ZNF668: variants seen among roughly 807,000 people sequenced by gnomAD.
ZNF668 encodes the protein zinc finger protein 668.
In ZNF668, 10 loss-of-function variants were observed where a neutral mutation model predicts 40.3. That is an observed-to-expected ratio of 0.25 (90% CI 0.15 to 0.42). The LOEUF (loss-of-function observed/expected upper bound fraction) is 0.42, where lower values mean the gene tolerates loss of function less well. ZNF668 is among the 10% of genes least tolerant of loss of function. ZNF668 has a pLI of 1.00. For synonymous variants in ZNF668, 428 were observed against 384.6 expected, an observed-to-expected ratio of 1.11 and a Z score of -1.32; for missense variants, 749 against 904.6, an observed-to-expected ratio of 0.83 and a Z score of 2.21.
intron 1 of ZNF668, chr16:31,064,732 C>T: frequency 1.3e-6 from 2 of 1,526,312 alleles, no homozygotes; most frequent in Admixed American, 2.0e-5. Flanking sequence ...TACACGTCCC[C>T]CCCCGCCCCC....
intron 2 of ZNF668, chr16:31,062,623 G>T (rs935226152): frequency 9.6e-6 from 2 of 207,602 alleles, no homozygotes; most frequent in African/African-American, 4.7e-5. Context: ...AATTAGCCAG[G>T]CGTGGTGGTG....
intron 1 of ZNF668, among the ~76,000 whole-genome samples, chr16:31,067,758 A>G (rs2056988505): frequency 6.6e-6 from 1 of 152,176 alleles, no homozygotes; most frequent in African/African-American, 2.4e-5. Flanking sequence ...TGACTTGCCC[A>G]TGGTCCCACA....
At position 31,069,282 on chromosome 16, in the gene ZNF668, C is replaced by T. The variant is rs1381523352; in HGVS notation, c.-23+4377G>A. The T allele has an allele frequency of 2.6e-5, 4 of 151,790 alleles. No individual in the cohort carries two copies. In the East Asian group the frequency reaches 7.7e-4, roughly 29 times the overall value. The allele number at this position is 151,790 out of a possible 1,614,324, so 9.4% of individuals were successfully genotyped here. ...TCTACTAAAAATACACACACACACACACACACACACACACACACACACACC... is the reference window on the plus strand; with the variant it reads ...TCTACTAAAAATACACACACACACATACACACACACACACACACACACACC... On this transcript the variant is annotated intron_variant, in intron 1 of 2. Transcript: ENST00000300849.
Position 31,061,811 on chromosome 16 carries a change from A to C in ZNF668, c.1117T>G (p.Phe373Val). The change falls in exon 3 of 3, where the codon TTC (phenylalanine) becomes GTC (valine). Residue 373 changes from phenylalanine (F) to valine (V), a missense_variant. Physicochemically the swap from Phe to Val is conservative, Grantham distance 50. Around this residue, in one of 4 missense-constraint regions of ZNF668, gnomAD observed 310 missense variants for 355.1 expected, o/e 0.87. Transcript: ENST00000300849. The surrounding 1 kb of genome is among the most constrained non-coding windows in gnomAD (Gnocchi z 7.7). Reference sequence around the variant, plus strand: ...TTCGTGAGGCTGGCACGCTCGGCGAAGGCTCGCCCGCACTCCTCACAGCGG... The same window carrying C: ...TTCGTGAGGCTGGCACGCTCGGCGACGGCTCGCCCGCACTCCTCACAGCGG... ...PFRCEECGRA[F>V]AERASLTKHS... The C allele has an allele frequency of 6.2e-7, 1 of 1,612,810 alleles. No homozygotes were observed. The highest frequency in any genetic ancestry group is 1.1e-5 in the South Asian group (1 of 91,052).
At chr16:31,070,475 T>C (rs1567402284) in intron 1 of ZNF668, among the ~76,000 whole-genome samples, 1 of 152,024 alleles carries the variant, frequency 6.6e-6, no homozygotes, top group Non-Finnish European at 1.5e-5. Context: ...CCCAAAGTGC[T>C]TGGATTACAG....
Position 31,062,067 on chromosome 16 carries a change from G to A in ZNF668, c.861C>T (p.Arg287=). Residue 287 remains arginine (R), a synonymous_variant, in exon 3 of 3, where the codon CGC becomes CGT. Coordinates refer to ENST00000300849, the MANE Select transcript of ZNF668 (RefSeq NM_024706.5). ...EKPFLCPRCG[R]MFSDPSSFRR... ...GGAAGCTCGAGGGGTCGGAGAACAT[G>A]CGGCCGCAGCGCGGGCACAGGAAGG... 6.2e-7 allele frequency: 1 copy of A among 1,613,304 alleles called. No homozygotes were observed. Among genetic ancestry groups the A allele is most frequent in the Admixed American group, 1.7e-5 (1 of 59,960 alleles).
intron 1 of ZNF668, chr16:31,065,978 T>C: frequency 1.0e-6 from 1 of 976,758 alleles, no homozygotes; most frequent in Non-Finnish European, 1.2e-6. Flanking sequence ...CTAGGGGAAA[T>C]ACAGAGACTC....
In ZNF668 at chr16:31,065,863, A is replaced by AAT. The variant is rs529080785; in HGVS notation, c.-22-1383_-22-1382insAT. ...AGCAAGACTCCGTCTCAAAAAAAAA[A>AAT]AAATAAAAAGACTATTTCCTCATCT... On this transcript the variant is annotated intron_variant, in intron 1 of 2. Coordinates refer to ENST00000300849, the MANE Select transcript of ZNF668 (RefSeq NM_024706.5). 3.0e-4 allele frequency among the ~76,000 whole-genome samples: 46 copies of AAT among 151,980 alleles called. 1 individual carries two copies. The highest frequency in any genetic ancestry group is 1.7e-3 in the East Asian group (9 of 5,190).
At chr16:31,066,149 A>G in intron 1 of ZNF668, 1 of 985,308 alleles carries the variant, frequency 1.0e-6, no homozygotes, top group Middle Eastern at 5.2e-4. Context: ...TCCCTCCCCA[A>G]CCCCATGCAG....
chr16:31,062,210 T>A lies in ZNF668; in HGVS notation c.718A>T (p.Thr240Ser), dbSNP rs745338372. Residue 240 changes from threonine (T) to serine (S), a missense_variant, in exon 3 of 3, where the codon ACG becomes TCG. Around this residue, in one of 4 missense-constraint regions of ZNF668, gnomAD observed 129 missense variants for 231.2 expected, o/e 0.56. Coordinates refer to ENST00000300849, the MANE Select transcript of ZNF668 (RefSeq NM_024706.5). ...GKSFSRSSSL[T>S]CHQRIHAAQK... is the part of the protein sequence containing the mutation. The stretch of plus-strand genomic sequence containing the variant: ...GCCGCGTGGATGCGCTGGTGGCACG[T>A]GAGCGAGGATGAGCGGGAGAAGCTC... 1 of 1,613,412 alleles carries A rather than the reference T, an allele frequency of 6.2e-7. No individual in the cohort carries two copies.
Position 31,064,400 on chromosome 16 carries a change from G to A in ZNF668, c.60C>T (p.Arg20=), listed in dbSNP as rs769055584. The A allele has an allele frequency of 3.2e-5, 51 of 1,613,312 alleles. 2 individuals are homozygous for A. In the South Asian group the frequency reaches 5.6e-4, roughly 18 times the overall value. The change falls in exon 2 of 3, where the codon CGC becomes CGT. Residue 20 remains arginine, a synonymous_variant. Transcript: ENST00000300849. Reference sequence around the variant, plus strand: ...TGGTACAGGACAGGCACTTGTAGCGGCGGCCCGAGCGCTTGTAGCCGGGGG... The same window carrying A: ...TGGTACAGGACAGGCACTTGTAGCGACGGCCCGAGCGCTTGTAGCCGGGGG... ...SPAPGYKRSG[R]RYKCLSCTKT...
chr16:31,072,099 T>C (rs1047626198), intron 1 of ZNF668, among the ~76,000 whole-genome samples: 1 of 152,186 alleles, frequency 6.6e-6, no homozygotes, highest in Non-Finnish European at 1.5e-5. Context: ...CCAGCCAGTG[T>C]TCAAATCCCA....
In ZNF668 at chr16:31,060,996, G is replaced by T; in HGVS notation, c.*72C>A. On this transcript the variant is annotated 3_prime_UTR_variant, in exon 3 of 3. Coordinates refer to ENST00000300849, the MANE Select transcript of ZNF668 (RefSeq NM_024706.5). ...ATCTGGAGTCTAAAGAGCAGAGCCA[G>T]GCAAAAGGAGGTACAGGAAGCCCCC... is the stretch of plus-strand genomic sequence containing the variant. 7.1e-7 allele frequency: 1 copy of T among 1,405,936 alleles called. No homozygotes were observed. Among genetic ancestry groups the T allele is most frequent in the Non-Finnish European group, 9.3e-7 (1 of 1,075,352 alleles). The allele number at this position is 1,405,936 out of a possible 1,614,324, so 87.1% of individuals were successfully genotyped here. A position where few individuals can be genotyped will look rare whatever the true frequency, so the allele number is the denominator to read the frequency against.
intron 1 of ZNF668, among the ~76,000 whole-genome samples, chr16:31,068,238 A>AT: frequency 1.1e-5 from 1 of 91,820 alleles, no homozygotes; most frequent in African/African-American, 5.4e-5. Flanking sequence ...AAAAAAAAAA[A>AT]AATATATATA....
Position 31,062,007 on chromosome 16 carries a change from T to C in ZNF668, c.921A>G (p.Pro307=). ...RHQRAHEGVK[P]YHCEKCGKDF... ...CCTTGCCGCACTTCTCGCAGTGGTA[T>C]GGCTTCACCCCTTCATGGGCGCGCT... The change falls in exon 3 of 3, where the codon CCA becomes CCG. Residue 307 remains proline, a synonymous_variant. Coordinates refer to ENST00000300849, the MANE Select transcript of ZNF668 (RefSeq NM_024706.5). 1 of 1,613,770 alleles carries C rather than the reference T, an allele frequency of 6.2e-7. No homozygotes were observed. The highest frequency in any genetic ancestry group is 8.5e-7 in the Non-Finnish European group (1 of 1,179,850).
chr16:31,071,490 T>C (rs1348592247), intron 1 of ZNF668, among the ~76,000 whole-genome samples: 1 of 152,118 alleles, frequency 6.6e-6, no homozygotes, highest in Non-Finnish European at 1.5e-5. Flanking sequence ...AGAGATTGGG[T>C]CTCACTCTGT....
chr16:31,068,033 G>A (rs1028288167), intron 1 of ZNF668, among the ~76,000 whole-genome samples: 10 of 151,338 alleles, frequency 6.6e-5, no homozygotes, highest in Non-Finnish European at 1.5e-4. Flanking sequence ...CCCTTCTACT[G>A]CCTCTTGCCA....
intron 1 of ZNF668, among the ~76,000 whole-genome samples, chr16:31,065,249 C>A (rs574159708): frequency 4.6e-5 from 7 of 152,256 alleles, no homozygotes; most frequent in Non-Finnish European, 1.0e-4. Flanking sequence ...CCAGCTCTAG[C>A]TGAGATCCCT....
At chr16:31,065,740 G>C (rs963260314) in intron 1 of ZNF668, among the ~76,000 whole-genome samples, 1 of 152,064 alleles carries the variant, frequency 6.6e-6, no homozygotes, top group Non-Finnish European at 1.5e-5. Flanking sequence ...TGTAGTCCCA[G>C]CTACTCGGGA....
Sources: allele counts gnomAD v4.1 joint callset (sites outside exome capture counted in the v4.1 genomes callset), GRCh38; gene constraint gnomAD v4.1.1; regional missense constraint gnomAD v4.1.1; non-coding constraint Gnocchi (gnomAD v3.1); transcripts MANE v1.5; gene names NCBI Gene and HGNC (gene_info 2026-07-23, HGNC 2026-07-21).